DSTYK: variants seen among roughly 807,000 people sequenced by gnomAD.
DSTYK encodes RIP-homologous kinase.
In DSTYK, 34 loss-of-function variants were observed where a neutral mutation model predicts 98.7. The ratio of observed to expected loss-of-function variants is 0.34; its 90% CI spans 0.26 to 0.46. The LOEUF (loss-of-function observed/expected upper bound fraction) is 0.46, where lower values mean the gene tolerates loss of function less well. DSTYK is among the 20% of genes least tolerant of loss of function. The pLI is 1.00. For synonymous variants in DSTYK, 462 were observed against 457.3 expected, an observed-to-expected ratio of 1.01 and a Z score of -0.13; for missense variants, 962 against 1,181.7, an observed-to-expected ratio of 0.81 and a Z score of 2.73.
chr1:205,199,643 C>T (rs1264513419), intron 1 of DSTYK, among the ~76,000 whole-genome samples: 1 of 152,166 alleles, frequency 6.6e-6, no homozygotes, highest in Non-Finnish European at 1.5e-5. Context: ...CACGGCACTC[C>T]AGTCAGAGCT....
intron 10 of DSTYK, among the ~76,000 whole-genome samples, chr1:205,153,941 T>C (rs186524357): frequency 6.6e-6 from 1 of 150,388 alleles, no homozygotes; most frequent in Non-Finnish European, 1.5e-5. Flanking sequence ...CTCGAACTCC[T>C]GACCTCAGGT....
At chr1:205,171,598 T>A (rs2102417438) in intron 2 of DSTYK, among the ~76,000 whole-genome samples, 1 of 152,210 alleles carries the variant, frequency 6.6e-6, no homozygotes, top group African/African-American at 2.4e-5. Flanking sequence ...CATATGTCCA[T>A]CTACTGCATT....
At position 205,150,624 on chromosome 1, in the gene DSTYK, C is replaced by A. The variant is rs1389193775; in HGVS notation, c.2467+56G>T. 7.2e-6 allele frequency: 10 copies of A among 1,394,800 alleles called. No homozygotes were observed. The highest frequency in any genetic ancestry group is 2.4e-4 in the Middle Eastern group (1 of 4,140). 86.4% of individuals were successfully genotyped at this position (1,394,800 alleles called of 1,614,324 possible). On this transcript the variant is annotated intron_variant, in intron 11 of 12. Transcript: ENST00000367162. This position sits in a 1 kb window ranked among gnomAD's most constrained non-coding sequence, Gnocchi z 4.1. ...GTGGAAACGAGCTCAAGGGGTAGCA[C>A]TCAGGATTAAAGTAGTACGCCCTGC...
chr1:205,164,616 C>G (rs1485789507), intron 3 of DSTYK, among the ~76,000 whole-genome samples: 1 of 152,110 alleles, frequency 6.6e-6, no homozygotes, highest in Admixed American at 6.5e-5. Flanking sequence ...CACCCGCCAC[C>G]ACGCCTGGCT....
At chr1:205,161,940 A>ACG (rs1657734585) in intron 6 of DSTYK, 96 bp downstream of exon 6, 4 of 1,215,760 alleles carry the variant, frequency 3.3e-6, no homozygotes, top group African/African-American at 3.0e-5. Flanking sequence ...AGACACACAC[A>ACG]CATATTATAT....
At chr1:205,148,154 A>T (rs1657298471) in intron 12 of DSTYK, 51 bp downstream of exon 12, 2 of 1,608,480 alleles carry the variant, frequency 1.2e-6, no homozygotes, top group Admixed American at 1.7e-5. Flanking sequence ...GCCTGGGCTC[A>T]GTCTGCGCTA....
At chr1:205,165,015 A>T (rs1433610632) in intron 3 of DSTYK, among the ~76,000 whole-genome samples, 1 of 152,172 alleles carries the variant, frequency 6.6e-6, no homozygotes, top group South Asian at 2.1e-4. Context: ...TCCAAATCCT[A>T]TGATCTTTGC....
At chr1:205,206,280 TTTTAGTTTTTTG>T (rs1411056227) in intron 1 of DSTYK, among the ~76,000 whole-genome samples, 1 of 151,886 alleles carries the variant, frequency 6.6e-6, no homozygotes, top group Non-Finnish European at 1.5e-5. Context: ...TTGGTTTTTT[TTTTAGTTTTTTG>T]TTTTTGAGAC....
rs765551310 is a variant in DSTYK at position 205,160,161 on chromosome 1, T to C, written c.2058A>G (p.Pro686=). 10 of 1,614,204 alleles carry C rather than the reference T, an allele frequency of 6.2e-6. No homozygotes were observed. The highest frequency in any genetic ancestry group is 8.5e-6 in the Non-Finnish European group (10 of 1,180,026). The part of the protein sequence containing the change: ...FPCALKSVVP[P]DEKHWNDLAL... ...CCAGATCATTCCAGTGCTTCTCATC[T>C]GGAGGGACAACTGATTTGAGGGCAC... Residue 686 remains proline, a synonymous_variant, in exon 8 of 13, where the codon CCA becomes CCG. Transcript: ENST00000367162.
rs1421718371 is a variant in DSTYK, at chr1:205,146,972, C to T, written c.*586G>A. On this transcript the variant is annotated 3_prime_UTR_variant, in exon 13 of 13. Transcript: ENST00000367162. Reference sequence around the variant, plus strand: ...ATGTGGTCCTATAAATGTAAACACACTGGCACTATGAGGAACAGATAGCTC... The same window carrying T: ...ATGTGGTCCTATAAATGTAAACACATTGGCACTATGAGGAACAGATAGCTC... The T allele has an allele frequency of 6.6e-6, 1 of 152,290 alleles. No individual in the cohort carries two copies. The highest frequency in any genetic ancestry group is 1.5e-5 in the Non-Finnish European group (1 of 68,020). 9.4% of individuals were successfully genotyped at this position (152,290 alleles called of 1,614,324 possible).
rs1409329881 is a variant in DSTYK, at chr1:205,169,601, T to G, written c.886A>C (p.Met296Leu). 6.2e-7 allele frequency: 1 copy of G among 1,614,216 alleles called. No homozygotes were observed. Among genetic ancestry groups the G allele is most frequent in the Non-Finnish European group, 8.5e-7 (1 of 1,180,024 alleles). Residue 296 changes from methionine (M) to leucine (L), a missense_variant, in exon 3 of 13, where the codon ATG becomes CTG. Physicochemically the swap from Met to Leu is conservative, Grantham distance 15 (BLOSUM62 2). Coordinates refer to ENST00000367162, the MANE Select transcript of DSTYK (RefSeq NM_015375.3). The surrounding 1 kb of genome is among the most constrained non-coding windows in gnomAD (Gnocchi z 4.0). ...SEIIDSSTRR[M>L]ESERSPLYRQ... ...TAAAGCGGTGATCTTTCGCTCTCCA[T>G]TCTCCTGGTTGAGGAGTCTATTATC...
chr1:205,193,972 G>A (rs990334040), intron 1 of DSTYK, among the ~76,000 whole-genome samples: 1 of 151,896 alleles, frequency 6.6e-6, no homozygotes, highest in Non-Finnish European at 1.5e-5. Context: ...CCTCATTCCA[G>A]AGAGGACCTG....
At position 205,144,691 on chromosome 1, in the gene DSTYK, C is replaced by T. The variant is rs906744635; in HGVS notation, c.*2867G>A. ...CCTAGAGACTTTCAAGAATATTTTG[C>T]ACCTTTTCTCAAAATACTTTTTTTT... is the stretch of plus-strand genomic sequence containing the variant. On this transcript the variant is annotated 3_prime_UTR_variant, in exon 13 of 13. Coordinates refer to ENST00000367162, the MANE Select transcript of DSTYK (RefSeq NM_015375.3). 2.6e-5 allele frequency: 4 copies of T among 152,190 alleles called. No individual in the cohort carries two copies. In the East Asian group the frequency reaches 5.8e-4, roughly 22 times the overall value. The allele number at this position is 152,190 out of a possible 1,614,324, so 9.4% of individuals were successfully genotyped here.
In DSTYK at chr1:205,157,339, C is replaced by T. The variant is rs765666210; in HGVS notation, c.2286G>A (p.Val762=). ...GGCTGTGCAGGAAGCGGATTCCCTC[C>T]ACCACATCTAGTGCTATCTGCAAAC... The part of the protein sequence containing the change: ...ETRLQIALDV[V]EGIRFLHSQG... Residue 762 remains valine, a synonymous_variant, in exon 10 of 13, where the codon GTG becomes GTA. Transcript: ENST00000367162. 1 of 1,614,146 alleles carries T rather than the reference C, an allele frequency of 6.2e-7. No homozygotes were observed. Among genetic ancestry groups the T allele is most frequent in the South Asian group, 1.1e-5 (1 of 91,092 alleles).
At chr1:205,183,820 G>C (rs1007463065) in intron 2 of DSTYK, among the ~76,000 whole-genome samples, 10 of 152,138 alleles carry the variant, frequency 6.6e-5, no homozygotes, top group Admixed American at 3.9e-4. Context: ...GCAGTGAGAG[G>C]GCAGTGCTTG....
At chr1:205,182,156 T>C (rs969216673) in intron 2 of DSTYK, among the ~76,000 whole-genome samples, 3 of 151,850 alleles carry the variant, frequency 2.0e-5, no homozygotes, top group Non-Finnish European at 4.4e-5. Flanking sequence ...ATCCCAGCAC[T>C]TTGGGAGGCC....
At chr1:205,159,978 A>C in intron 8 of DSTYK, 136 bp downstream of exon 8, 1 of 1,055,006 alleles carries the variant, frequency 9.5e-7, no homozygotes, top group South Asian at 1.4e-5. Flanking sequence ...AAGGCCTGAA[A>C]GGGAGCACAT....
chr1:205,202,389 G>C, intron 1 of DSTYK: 2 of 736,580 alleles, frequency 2.7e-6, no homozygotes, highest in South Asian at 2.7e-5. Flanking sequence ...CAATGGTTGC[G>C]TTGGTTGGTG....
In DSTYK at chr1:205,154,599, T is replaced by C. The variant is rs1004968683; in HGVS notation, c.2352+2674A>G. On this transcript the variant is annotated intron_variant, in intron 10 of 12. Coordinates refer to ENST00000367162, the MANE Select transcript of DSTYK (RefSeq NM_015375.3). Reference sequence around the variant, plus strand: ...TATGTCTTTATTAGCAGTGTGAGAATGGACTAACACAGTAAATTGTACCAA... The same window carrying C: ...TATGTCTTTATTAGCAGTGTGAGAACGGACTAACACAGTAAATTGTACCAA... Among the ~76,000 whole-genome samples, 6 of 152,170 alleles carry C rather than the reference T, an allele frequency of 3.9e-5. No individual in the cohort carries two copies. In the South Asian group the frequency reaches 1.2e-3, roughly 31 times the overall value.
Sources: gnomAD v4.1 joint callset for allele counts (sites outside exome capture counted in the v4.1 genomes callset) on GRCh38, gnomAD v4.1.1 for gene constraint, Gnocchi (gnomAD v3.1) non-coding constraint, MANE v1.5 for transcripts, NCBI Gene and HGNC (gene_info 2026-07-23, HGNC 2026-07-21) for gene names.